Variants in SPRED1 observed in about 807,000 individuals in gnomAD.
SPRED1 encodes the protein sprouty related EVH1 domain containing 1.
SPRED1 carries 18 observed loss-of-function variants against 52.3 expected under a neutral mutation model. The observed-to-expected ratio is 0.34, with a 90% confidence interval of 0.24 to 0.51. The LOEUF (loss-of-function observed/expected upper bound fraction) is 0.51. Among genes scored for constraint, SPRED1 ranks in the 20% least tolerant of loss-of-function variants. The pLI is 0.97. For synonymous variants in SPRED1, 155 were observed against 179.7 expected (o/e 0.86, Z 1.10); for missense variants, 485 against 551.0 (o/e 0.88, Z 1.20).
intron 2 of SPRED1, among the ~76,000 whole-genome samples, chr15:38,303,333 A>C (rs1323450649): frequency 6.6e-6 from 1 of 152,226 alleles, no homozygotes; most frequent in Non-Finnish European, 1.5e-5. Flanking sequence ...ATTGTTAACT[A>C]AAATTTAACT....
At chr15:38,289,436 T>C (rs142090961) in intron 1 of SPRED1, among the ~76,000 whole-genome samples, 2 of 152,146 alleles carry the variant, frequency 1.3e-5, no homozygotes, top group Non-Finnish European at 2.9e-5. Context: ...TTATATGCCA[T>C]TTGTGGTAGA....
At chr15:38,346,328 T>C (rs2141012688) in intron 5 of SPRED1, among the ~76,000 whole-genome samples, 1 of 143,138 alleles carries the variant, frequency 7.0e-6, no homozygotes, top group South Asian at 2.3e-4. Context: ...AAAAAAAAAA[T>C]CCTCTGGATG....
rs1894710068 is a variant in SPRED1, at chr15:38,282,354, C to CAT, written c.33-17018_33-17017insTA. ...ACACACACACACACATGCACACACA[C>CAT]AAGTTAACCTGGCGTGGTGGCAGGC... is the stretch of plus-strand genomic sequence containing the variant. On this transcript the variant is annotated intron_variant, in intron 1 of 6. Transcript: ENST00000299084. 3.3e-5 allele frequency among the ~76,000 whole-genome samples: 5 copies of CAT among 150,306 alleles called. No homozygotes were observed. In the East Asian group the frequency reaches 9.8e-4, roughly 29 times the overall value.
intron 5 of SPRED1, among the ~76,000 whole-genome samples, chr15:38,348,436 GTGTC>G (rs995025158): frequency 2.0e-4 from 30 of 151,790 alleles, no homozygotes; most frequent in African/African-American, 7.0e-4. Context: ...GTGTGTGTGT[GTGTC>G]TGTGTGTGTA....
At chr15:38,264,734 A>AC (rs1894271730) in intron 1 of SPRED1, among the ~76,000 whole-genome samples, 1 of 152,142 alleles carries the variant, frequency 6.6e-6, no homozygotes, top group African/African-American at 2.4e-5. Flanking sequence ...ATCAAGAGAG[A>AC]CAGGGGTAAG....
chr15:38,288,757 T>C (rs1222564928), intron 1 of SPRED1, among the ~76,000 whole-genome samples: 4 of 152,208 alleles, frequency 2.6e-5, no homozygotes, highest in Admixed American at 2.6e-4. Context: ...CAGGCTATGC[T>C]AACTCAGTAT....
At chr15:38,339,022 A>T (rs548513618) in intron 4 of SPRED1, among the ~76,000 whole-genome samples, 1 of 152,108 alleles carries the variant, frequency 6.6e-6, no homozygotes, top group Non-Finnish European at 1.5e-5. Flanking sequence ...AAATAATTAT[A>T]CAGTGATGGG....
chr15:38,356,313 G>A lies in SPRED1; in HGVS notation c.*4649G>A, dbSNP rs923121483. On this transcript the variant is annotated 3_prime_UTR_variant, in exon 7 of 7. Coordinates refer to ENST00000299084, the MANE Select transcript of SPRED1 (RefSeq NM_152594.3). Reference sequence around the variant, plus strand: ...AGCTTGATAGTTTTGAGTATATAATGTAAATAATACATTATAAGTTTGTAA... The same window carrying A: ...AGCTTGATAGTTTTGAGTATATAATATAAATAATACATTATAAGTTTGTAA... The A allele has an allele frequency of 6.6e-6, 1 of 152,070 alleles. No homozygotes were observed. The highest frequency in any genetic ancestry group is 1.5e-5 in the Non-Finnish European group (1 of 67,972). 9.4% of individuals were successfully genotyped at this position (152,070 alleles called of 1,614,324 possible).
At chr15:38,292,053 A>C (rs1235650253) in intron 1 of SPRED1, among the ~76,000 whole-genome samples, 1 of 152,136 alleles carries the variant, frequency 6.6e-6, no homozygotes, top group East Asian at 1.9e-4. Context: ...CACCCAAGTC[A>C]CCTTTTGAAT....
intron 1 of SPRED1, among the ~76,000 whole-genome samples, chr15:38,268,779 C>G (rs1182173059): frequency 6.6e-6 from 1 of 152,118 alleles, no homozygotes; most frequent in Non-Finnish European, 1.5e-5. Context: ...AGTCTCTTAA[C>G]CTTGTTTTCT....
intron 1 of SPRED1, among the ~76,000 whole-genome samples, chr15:38,276,382 G>T (rs1894554296): frequency 6.6e-6 from 1 of 151,996 alleles, no homozygotes; most frequent in Non-Finnish European, 1.5e-5. Flanking sequence ...TTGTTTACAT[G>T]TACCTCCTTT....
At chr15:38,329,488 TAC>T (rs1464854138) in intron 4 of SPRED1, among the ~76,000 whole-genome samples, 3 of 152,308 alleles carry the variant, frequency 2.0e-5, no homozygotes, top group South Asian at 2.1e-4. Flanking sequence ...ATTTAGGTAG[TAC>T]AGAGTATTTA....
At chr15:38,270,152 C>T (rs1894401727) in intron 1 of SPRED1, among the ~76,000 whole-genome samples, 1 of 152,206 alleles carries the variant, frequency 6.6e-6, no homozygotes, top group Admixed American at 6.5e-5. Flanking sequence ...GGTGATCTGC[C>T]TGCCTCGGCC....
intron 1 of SPRED1, among the ~76,000 whole-genome samples, chr15:38,255,092 T>A (rs1399102678): frequency 9.9e-5 from 15 of 152,188 alleles, no homozygotes; most frequent in Admixed American, 9.8e-4. Context: ...AAAATATATT[T>A]TTTCTAAATG....
chr15:38,297,022 C>T (rs1482659447), intron 1 of SPRED1, among the ~76,000 whole-genome samples: 1 of 152,128 alleles, frequency 6.6e-6, no homozygotes, highest in African/African-American at 2.4e-5. Flanking sequence ...TCAAGGTGCA[C>T]CACCTTGGAA....
intron 1 of SPRED1, among the ~76,000 whole-genome samples, chr15:38,282,869 G>A (rs1278283196): frequency 1.3e-5 from 2 of 151,440 alleles, no homozygotes; most frequent in Non-Finnish European, 2.9e-5. Context: ...GTCATGCGTT[G>A]TTTTAAACCA....
At chr15:38,273,518 T>TG (rs1452396002) in intron 1 of SPRED1, among the ~76,000 whole-genome samples, 1 of 104,058 alleles carries the variant, frequency 9.6e-6, no homozygotes, top group Admixed American at 1.2e-4. Flanking sequence ...TTATGTATTA[T>TG]TAATATATAT....
chr15:38,343,335 A>G (rs1896065706), intron 5 of SPRED1, among the ~76,000 whole-genome samples: 3 of 152,128 alleles, frequency 2.0e-5, no homozygotes, highest in Non-Finnish European at 4.4e-5. Context: ...AGAAATGAAT[A>G]TGGTCATAAG....
intron 5 of SPRED1, among the ~76,000 whole-genome samples, chr15:38,344,936 G>A (rs1306607006): frequency 1.3e-5 from 2 of 152,148 alleles, no homozygotes; most frequent in African/African-American, 4.8e-5. Context: ...ACAGGAATTA[G>A]AATGGAATGG....
Sources: allele counts gnomAD v4.1 joint callset (sites outside exome capture counted in the v4.1 genomes callset), GRCh38; gene constraint gnomAD v4.1.1; transcripts MANE v1.5; gene names NCBI Gene and HGNC (gene_info 2026-07-23, HGNC 2026-07-21).